Variants in ZNF487 observed in about 807,000 individuals in gnomAD.
The protein encoded by ZNF487 is zinc finger protein 487, also known as KRAB domain only 1.
A neutral mutation model predicts 3.0 loss-of-function variants in ZNF487; 4 were observed. That is an observed-to-expected ratio of 1.35 (90% CI 0.66 to 3.08). The LOEUF is 3.08. ZNF487 is among the 30% of genes most tolerant of loss of function. The pLI is 0.01. For synonymous variants in ZNF487, 55 were observed against 34.6 expected, an observed-to-expected ratio of 1.59 and a Z score of -2.06; for missense variants, 146 against 98.7, an observed-to-expected ratio of 1.48 and a Z score of -2.03.
At chr10:43,454,848 C>T (rs1043539729) in intron 1 of ZNF487, among the ~76,000 whole-genome samples, 4 of 149,584 alleles carry the variant, frequency 2.7e-5, no homozygotes, top group African/African-American at 9.8e-5. Flanking sequence ...GCCAAGTCTT[C>T]ACGTACACAT....
At chr10:43,455,170 G>A (rs1243106093) in intron 1 of ZNF487, among the ~76,000 whole-genome samples, 2 of 151,668 alleles carry the variant, frequency 1.3e-5, no homozygotes, top group African/African-American at 2.4e-5. Flanking sequence ...CACCACGCCC[G>A]GCCAATTTTT....
intron 1 of ZNF487, among the ~76,000 whole-genome samples, chr10:43,439,307 G>A (rs1410635756): frequency 1.3e-5 from 2 of 152,130 alleles, no homozygotes; most frequent in South Asian, 2.1e-4. Flanking sequence ...AGCTGAAGTC[G>A]GAGGATTACA....
chr10:43,443,906 G>A (rs1023015104), intron 1 of ZNF487, among the ~76,000 whole-genome samples: 35 of 149,870 alleles, frequency 2.3e-4, no homozygotes, highest in African/African-American at 7.4e-4. Flanking sequence ...AGGCTGGAGT[G>A]CAATGGCGTG....
chr10:43,483,314 C>T (rs970061443), downstream of ZNF487: 20 of 358,448 alleles, frequency 5.6e-5, no homozygotes, highest in African/African-American at 8.6e-5. Flanking sequence ...GATCTTGGCT[C>T]ACCGCAACCT....
chr10:43,500,151 A>G, the ZNF487 span, among the ~76,000 whole-genome samples: 1 of 152,142 alleles, frequency 6.6e-6, no homozygotes, highest in Non-Finnish European at 1.5e-5. Flanking sequence ...CTGGGATTAC[A>G]GGCATGAGCC....
At chr10:43,457,558 GAAAAA>G (rs1023956426) in intron 1 of ZNF487, among the ~76,000 whole-genome samples, 5 of 136,964 alleles carry the variant, frequency 3.7e-5, no homozygotes, top group Admixed American at 2.2e-4. Flanking sequence ...CTGTCTTGGG[GAAAAA>G]AAAAAAAAAA....
chr10:43,512,064 T>G, the ZNF487 span, among the ~76,000 whole-genome samples: 1 of 152,250 alleles, frequency 6.6e-6, no homozygotes, highest in Admixed American at 6.5e-5. Context: ...CTCAACGTTC[T>G]GCCCACTGGG....
At chr10:43,497,983 G>GATAGATATAT in the ZNF487 span, among the ~76,000 whole-genome samples, 110 of 130,392 alleles carry the variant, frequency 8.4e-4, 1 homozygote, top group African/African-American at 3.2e-3. Flanking sequence ...AAAGAAAAAA[G>GATAGATATAT]ATATATATAT....
the ZNF487 span, among the ~76,000 whole-genome samples, chr10:43,508,482 T>G: frequency 6.6e-6 from 1 of 152,152 alleles, no homozygotes; most frequent in Non-Finnish European, 1.5e-5. Flanking sequence ...ACAACTTGGC[T>G]TAATGAAAAG....
At chr10:43,502,810 C>A in the ZNF487 span, among the ~76,000 whole-genome samples, 2 of 152,108 alleles carry the variant, frequency 1.3e-5, no homozygotes, top group East Asian at 3.8e-4. Flanking sequence ...CCGGGTGAAT[C>A]ACTTGAGCCC....
chr10:43,480,048 T>C (rs1418809836), intron 3 of ZNF487, among the ~76,000 whole-genome samples: 2 of 147,038 alleles, frequency 1.4e-5, no homozygotes. Context: ...TCTTTCTTTT[T>C]CTTTCTTTCT....
chr10:43,523,584 G>A, the ZNF487 span: 2 of 152,296 alleles, frequency 1.3e-5, no homozygotes, highest in African/African-American at 4.8e-5. Context: ...AAATGAGAAA[G>A]CCATCTGTTA....
At chr10:43,448,327 A>T (rs1839887536) in intron 1 of ZNF487, among the ~76,000 whole-genome samples, 1 of 151,804 alleles carries the variant, frequency 6.6e-6, no homozygotes, top group Non-Finnish European at 1.5e-5. Context: ...TTGTCAAAAA[A>T]TGTTTTTTTT....
At chr10:43,486,262 C>T (rs1232524208), downstream of ZNF487, among the ~76,000 whole-genome samples, 1 of 152,122 alleles carries the variant, frequency 6.6e-6, no homozygotes, top group Non-Finnish European at 1.5e-5. Context: ...GGGTGGCTCA[C>T]ACCTGTAATC....
In ZNF487 at chr10:43,448,420, C is replaced by A. The variant is rs776647285; in HGVS notation, c.-94+11158C>A. ...AAGATGGGGCATCAAGCATTCATTT[C>A]ATCTCTTATTGAATTCTAATAATAA... is the stretch of plus-strand genomic sequence containing the variant. On this transcript the variant is annotated intron_variant, in intron 1 of 3. Transcript: ENST00000437590. Among the ~76,000 whole-genome samples, 10 of 152,212 alleles carry A rather than the reference C, an allele frequency of 6.6e-5. No homozygotes were observed. The South Asian group carries it at 1.2e-3, about 19-fold the overall frequency.
upstream of ZNF487, chr10:43,436,861 C>T: frequency 2.1e-6 from 1 of 468,206 alleles, no homozygotes. Context: ...CCCCCGGACG[C>T]CCAGCCGCGG....
At chr10:43,504,300 T>TTTTG in the ZNF487 span, among the ~76,000 whole-genome samples, 1 of 143,182 alleles carries the variant, frequency 7.0e-6, no homozygotes, top group African/African-American at 2.5e-5. Flanking sequence ...TTTCTTTTTT[T>TTTTG]TTTTTTTTTT....
chr10:43,449,410 G>A (rs1342334794), intron 1 of ZNF487, among the ~76,000 whole-genome samples: 4 of 152,110 alleles, frequency 2.6e-5, no homozygotes, highest in Non-Finnish European at 5.9e-5. Flanking sequence ...ACTGGATGTT[G>A]AAGCACAGTG....
chr10:43,516,896 T>C, the ZNF487 span, among the ~76,000 whole-genome samples: 1 of 152,216 alleles, frequency 6.6e-6, no homozygotes, highest in Non-Finnish European at 1.5e-5. Context: ...ATATGCCCTG[T>C]TCAGAGCCTA....
Sources: allele counts gnomAD v4.1 joint callset (sites outside exome capture counted in the v4.1 genomes callset), GRCh38; gene constraint gnomAD v4.1.1; transcripts MANE v1.5; gene names NCBI Gene and HGNC (gene_info 2026-07-23, HGNC 2026-07-21).